FAM81A: variants seen among roughly 807,000 people sequenced by gnomAD.
FAM81A encodes the protein family with sequence similarity 81 member A, also known as protein FAM81A.
A neutral mutation model predicts 46.7 loss-of-function variants in FAM81A; 19 were observed. The observed-to-expected ratio is 0.41, with a 90% confidence interval of 0.28 to 0.60. FAM81A has a LOEUF of 0.60. FAM81A is among the 20% of genes least tolerant of loss of function. FAM81A has a pLI of 0.34. For synonymous variants in FAM81A, 183 were observed against 152.9 expected (o/e 1.20, Z -1.45); for missense variants, 377 against 453.5 (o/e 0.83, Z 1.53).
upstream of FAM81A, among the ~76,000 whole-genome samples, chr15:59,433,970 C>T (rs1201028705): frequency 2.0e-5 from 3 of 152,190 alleles, no homozygotes; most frequent in African/African-American, 4.8e-5. Context: ...ATTCTCGTGT[C>T]TCAGTGTCCC....
At chr15:59,497,025 C>G (rs1241229624) in intron 4 of FAM81A, among the ~76,000 whole-genome samples, 2 of 151,462 alleles carry the variant, frequency 1.3e-5, no homozygotes, top group South Asian at 4.2e-4. Flanking sequence ...CCTGGGGAGG[C>G]TGAGGCAGGA....
chr15:59,475,163 GA>G, intron 3 of FAM81A, among the ~76,000 whole-genome samples: 1 of 136,504 alleles, frequency 7.3e-6, no homozygotes, highest in African/African-American at 2.7e-5. Context: ...TTTTTTTTTT[GA>G]GACAAGGTCT....
chr15:59,449,179 G>C (rs1347050277), intron 1 of FAM81A, among the ~76,000 whole-genome samples: 1 of 152,144 alleles, frequency 6.6e-6, no homozygotes, highest in Non-Finnish European at 1.5e-5. Context: ...AGAATGCTTA[G>C]GGCAAGAGTG....
chr15:59,454,934 AT>A (rs761479853), intron 1 of FAM81A, among the ~76,000 whole-genome samples: 336 of 142,114 alleles, frequency 2.4e-3, no homozygotes, highest in African/African-American at 8.4e-3. Flanking sequence ...CACCTGGCTA[AT>A]TTTTTTTTGT....
chr15:59,475,247 T>C (rs4517730), intron 3 of FAM81A, among the ~76,000 whole-genome samples: 122,056 of 151,970 alleles, frequency 0.8, 49,510 homozygotes, highest in African/African-American at 0.92. Flanking sequence ...CAGGTTCAAG[T>C]GATTCTCATG....
chr15:59,426,372 C>T (rs558595150), intron 2 of FAM81A, among the ~76,000 whole-genome samples: 20 of 152,110 alleles, frequency 1.3e-4, no homozygotes, highest in Non-Finnish European at 1.5e-4. Context: ...TTTGGGAGAC[C>T]GAGGTGGGCG....
At chr15:59,438,074 G>T (rs1474280778), upstream of FAM81A, 2 of 147,452 alleles carry the variant, frequency 1.4e-5, no homozygotes, top group Non-Finnish European at 3.0e-5. Context: ...AAGCGGCTCC[G>T]GCGGCGCGCG....
Position 59,523,321 on chromosome 15 carries a change from C to G in FAM81A, c.*1943C>G, listed in dbSNP as rs1204263977. On this transcript the variant is annotated 3_prime_UTR_variant, in exon 9 of 9. Coordinates refer to ENST00000288228, the MANE Select transcript of FAM81A (RefSeq NM_152450.3). ...AAATCATCCAGAGGAGTTGGGAAAT[C>G]TACTGATGCCCCGCTGTGCCTCCCA... 2.6e-5 allele frequency: 4 copies of G among 152,410 alleles called. No homozygotes were observed. Among genetic ancestry groups the G allele is most frequent in the Admixed American group, 1.3e-4 (2 of 15,308 alleles). The allele number at this position is 152,410 out of a possible 1,614,324, so 9.4% of individuals were successfully genotyped here.
In FAM81A at chr15:59,468,640, T is replaced by G. The variant is rs2081645539; in HGVS notation, c.294+8434T>G. ...CTTGCTAGCAGTCTATCAATTTTGT[T>G]GATGTTTAAAAAAAAAAACCCAGCT... On this transcript the variant is annotated intron_variant, in intron 3 of 8. Transcript: ENST00000288228. 3.5e-5 allele frequency among the ~76,000 whole-genome samples: 5 copies of G among 141,290 alleles called. No individual in the cohort carries two copies. In the South Asian group the frequency reaches 1.1e-3, roughly 32 times the overall value. The allele number at this position is 141,290 out of a possible 152,430, so 92.7% of individuals were successfully genotyped here. A position where few individuals can be genotyped will look rare whatever the true frequency, so the allele number is the denominator to read the frequency against.
At chr15:59,509,492 T>C (rs2082182576) in intron 6 of FAM81A, among the ~76,000 whole-genome samples, 1 of 151,942 alleles carries the variant, frequency 6.6e-6, no homozygotes, top group African/African-American at 2.4e-5. Flanking sequence ...TTAAAATGGG[T>C]TTTATCTGAT....
chr15:59,506,800 C>A (rs1297973501), intron 4 of FAM81A, among the ~76,000 whole-genome samples: 1 of 152,176 alleles, frequency 6.6e-6, no homozygotes, highest in Non-Finnish European at 1.5e-5. Flanking sequence ...GTGATTCAGT[C>A]AAAGTTTAGA....
chr15:59,453,014 C>T (rs1415028304), intron 1 of FAM81A, among the ~76,000 whole-genome samples: 8 of 152,174 alleles, frequency 5.3e-5, no homozygotes, highest in East Asian at 1.9e-4. Flanking sequence ...CCTCCTGCCT[C>T]GGCCTCCCAA....
At chr15:59,430,254 C>CT (rs5812977) in intron 2 of FAM81A, among the ~76,000 whole-genome samples, 1,909 of 87,444 alleles carry the variant, frequency 0.022, 144 homozygotes, top group African/African-American at 0.046. Context: ...ACCTATTTCC[C>CT]TTTTTTTTTT....
intron 1 of FAM81A, among the ~76,000 whole-genome samples, chr15:59,400,640 C>T (rs1229814202): frequency 6.6e-6 from 1 of 152,224 alleles, no homozygotes; most frequent in Non-Finnish European, 1.5e-5. Context: ...CTGCTCCCTT[C>T]ACTCCAGCCT....
At position 59,521,880 on chromosome 15, in the gene FAM81A, T is replaced by G. The variant is rs1197897662; in HGVS notation, c.*502T>G. ...TATCGTTGTCTATGCACTTCTTATA[T>G]TGGTTATCTTCTTGTAAATCTTCTG... On this transcript the variant is annotated 3_prime_UTR_variant, in exon 9 of 9. Transcript: ENST00000288228. 2 of 152,298 alleles carry G rather than the reference T, an allele frequency of 1.3e-5. No individual in the cohort carries two copies. Among genetic ancestry groups the G allele is most frequent in the Non-Finnish European group, 2.9e-5 (2 of 68,080 alleles). The allele number at this position is 152,298 out of a possible 1,614,324, so 9.4% of individuals were successfully genotyped here.
intron 8 of FAM81A, among the ~76,000 whole-genome samples, chr15:59,519,549 C>T (rs2082305696): frequency 6.9e-6 from 1 of 144,282 alleles, no homozygotes; most frequent in African/African-American, 2.6e-5. Context: ...TTTCTTTCTT[C>T]CTTTCTTTCC....
chr15:59,515,886 G>A (rs1253912540), intron 7 of FAM81A, among the ~76,000 whole-genome samples: 2 of 152,122 alleles, frequency 1.3e-5, no homozygotes, highest in Admixed American at 1.3e-4. Flanking sequence ...AGGTAATGCA[G>A]GACTGGTATG....
At chr15:59,497,534 C>T (rs779886967) in intron 4 of FAM81A, among the ~76,000 whole-genome samples, 3 of 151,972 alleles carry the variant, frequency 2.0e-5, no homozygotes, top group African/African-American at 4.8e-5. Flanking sequence ...TCTGTAGATC[C>T]GTTTGGGGAA....
Position 59,475,394 on chromosome 15 carries a change from G to A in FAM81A, c.294+15188G>A, listed in dbSNP as rs529784601. On this transcript the variant is annotated intron_variant, in intron 3 of 8. Transcript: ENST00000288228. ...TGTCCTCAAGTGACCAACCAGTTAT[G>A]TATGGCCTCCCAAAGTGCTGGAATT... Among the ~76,000 whole-genome samples, 24 of 152,250 alleles carry A rather than the reference G, an allele frequency of 1.6e-4. No homozygotes were observed. The East Asian group carries it at 4.2e-3, about 27-fold the overall frequency.
Sources: gnomAD v4.1 joint callset for allele counts (sites outside exome capture counted in the v4.1 genomes callset) on GRCh38, gnomAD v4.1.1 for gene constraint, MANE v1.5 for transcripts, NCBI Gene and HGNC (gene_info 2026-07-23, HGNC 2026-07-21) for gene names.